TMEM87B: variants seen among roughly 807,000 people sequenced by gnomAD.
The protein encoded by TMEM87B is transmembrane protein 87B.
In TMEM87B, 83 loss-of-function variants were observed where a neutral mutation model predicts 80.3. That is an observed-to-expected ratio of 1.03 (90% confidence interval 0.87 to 1.24). The LOEUF (loss-of-function observed/expected upper bound fraction) is 1.24. Among genes scored for constraint, TMEM87B ranks in the 50% most tolerant of loss-of-function variants. TMEM87B has a pLI of 0.00. For missense variants in TMEM87B, 625 were observed against 674.4 expected (o/e 0.93, Z 0.81); for synonymous variants, 219 against 230.5 (o/e 0.95, Z 0.45).
chr2:112,074,863 C>T, intron 4 of TMEM87B, 49 bp from the exon 5 acceptor site: 1 of 1,475,336 alleles, frequency 6.8e-7, no homozygotes, highest in South Asian at 1.3e-5. Flanking sequence ...CAATTTTTCT[C>T]CGTAGAAATG....
chr2:112,108,795 G>C (rs949340082), intron 17 of TMEM87B, among the ~76,000 whole-genome samples: 2 of 151,986 alleles, frequency 1.3e-5, no homozygotes, highest in Admixed American at 6.6e-5. Context: ...GTTTGTGTGG[G>C]CATATATTTT....
intron 11 of TMEM87B, 58 bp from the exon 12 acceptor site, chr2:112,096,986 G>GT (rs375042771): frequency 0.093 from 74,367 of 800,570 alleles, 4 homozygotes; most frequent in South Asian, 0.14. Context: ...AGAAGATTCT[G>GT]TTTTTTTTTT....
At position 112,089,669 on chromosome 2, in the gene TMEM87B, T is replaced by G; in HGVS notation, c.983T>G (p.Leu328Arg). Reference protein sequence around the residue: ...TVMHRVIGLGLLYLIFAAVEG... With the variant: ...TVMHRVIGLGRLYLIFAAVEG... ...ATGCACCGGGTGATCGGACTGGGGC[T>G]TCTATACTTAATCTTTGCAGCTGTT... is the stretch of plus-strand genomic sequence containing the variant. Residue 328 changes from leucine to arginine, a missense_variant, in exon 10 of 19, where the codon CTT (leucine) becomes CGT (arginine). Transcript: ENST00000283206. 1 of 1,614,208 alleles carries G rather than the reference T, an allele frequency of 6.2e-7. No homozygotes were observed. Among genetic ancestry groups the G allele is most frequent in the Non-Finnish European group, 8.5e-7 (1 of 1,180,020 alleles).
At chr2:112,080,170 C>T (rs1345972809) in intron 6 of TMEM87B, among the ~76,000 whole-genome samples, 1 of 152,066 alleles carries the variant, frequency 6.6e-6, no homozygotes, top group Non-Finnish European at 1.5e-5. Flanking sequence ...CTTAAGTGAT[C>T]TGCCCACCTT....
chr2:112,097,502 G>A (rs1425244894), intron 13 of TMEM87B, among the ~76,000 whole-genome samples: 3 of 151,904 alleles, frequency 2.0e-5, no homozygotes, highest in East Asian at 1.9e-4. Flanking sequence ...CGAGGCAGGC[G>A]GATCACGAGG....
chr2:112,081,194 C>T, intron 7 of TMEM87B, 76 bp downstream of exon 7: 1 of 1,479,272 alleles, frequency 6.8e-7, no homozygotes, highest in Admixed American at 1.7e-5. Flanking sequence ...AGTAATTCCT[C>T]AGTAGTTAAT....
chr2:112,085,607 C>T (rs1679118665), intron 8 of TMEM87B, among the ~76,000 whole-genome samples: 1 of 152,168 alleles, frequency 6.6e-6, no homozygotes, highest in African/African-American at 2.4e-5. Context: ...ACAGTAGGAG[C>T]ATATCAGATA....
intron 4 of TMEM87B, among the ~76,000 whole-genome samples, chr2:112,069,115 C>A (rs1440507873): frequency 6.8e-6 from 1 of 146,694 alleles, no homozygotes; most frequent in Admixed American, 7.0e-5. Context: ...TGGCGTGAAC[C>A]CGGGAAGCGG....
At chr2:112,062,448 CAAAG>C (rs1235064806) in intron 2 of TMEM87B, among the ~76,000 whole-genome samples, 2 of 152,252 alleles carry the variant, frequency 1.3e-5, no homozygotes, top group East Asian at 3.9e-4. Context: ...GATAGAAACT[CAAAG>C]AAAGTTAGAA....
At chr2:112,116,029 G>T in intron 18 of TMEM87B, 55 bp from the exon 19 acceptor site, 1 of 1,464,110 alleles carries the variant, frequency 6.8e-7, no homozygotes. Flanking sequence ...ATTTTTGTTA[G>T]GGTTCTGGAA....
rs1558835562 is a variant in TMEM87B at position 112,076,845 on chromosome 2, TGTGTGTG to T, written c.502-346_502-340del. ...TACCTGCCATTCCTTTTCTGTTTTG[TGTGTGTG>T]TGTGTGTGTGTGTGTGTGTGTGTGT... On this transcript the variant is annotated intron_variant, in intron 5 of 18. Transcript: ENST00000283206. Among the ~76,000 whole-genome samples, 14 of 11,612 alleles carry T rather than the reference TGTGTGTG, an allele frequency of 1.2e-3. No homozygotes were observed. In the African/African-American group the frequency reaches 0.013, roughly 11 times the overall value. The allele number at this position is 11,612 out of a possible 152,430, so 7.6% of individuals were successfully genotyped here. A position where few individuals can be genotyped will look rare whatever the true frequency, so the allele number is the denominator to read the frequency against.
chr2:112,066,690 T>C (rs1228168122), intron 3 of TMEM87B, among the ~76,000 whole-genome samples: 1 of 152,228 alleles, frequency 6.6e-6, no homozygotes, highest in African/African-American at 2.4e-5. Context: ...GTTTTCTTAT[T>C]GTAAGTGTGC....
rs764767658 is a variant in TMEM87B, at chr2:112,081,135, A to AT, written c.654+23dup. 1.5e-5 allele frequency: 24 copies of AT among 1,610,386 alleles called. No homozygotes were observed. The South Asian group carries it at 2.6e-4, about 18-fold the overall frequency. On this transcript the variant is annotated intron_variant, in intron 7 of 18. Coordinates refer to ENST00000283206, the MANE Select transcript of TMEM87B (RefSeq NM_032824.3). ...CTAATGATTGTGAGTATTTCTCATCATTTTTTCCTTTTTAAAAAATGAATT... is the reference window on the plus strand; with the variant it reads ...CTAATGATTGTGAGTATTTCTCATCATTTTTTTCCTTTTTAAAAAATGAATT...
chr2:112,089,053 G>A (rs1375184431), intron 9 of TMEM87B, among the ~76,000 whole-genome samples: 1 of 152,110 alleles, frequency 6.6e-6, no homozygotes, highest in Non-Finnish European at 1.5e-5. Context: ...GAGCCACTGC[G>A]CCTCGCCCAA....
At chr2:112,089,933 C>T (rs941494790) in intron 10 of TMEM87B, among the ~76,000 whole-genome samples, 6 of 152,154 alleles carry the variant, frequency 3.9e-5, no homozygotes, top group East Asian at 1.9e-4. Flanking sequence ...GCGAAGGCAC[C>T]GCTTGATATC....
Position 112,117,216 on chromosome 2 carries a change from A to G in TMEM87B, c.*1073A>G, listed in dbSNP as rs1351772020. ...AACTTGAAAGGCAATTGAATGTAGTATGATGAAAATGTGAATGTTTTGCTG... is the reference window on the plus strand; with the variant it reads ...AACTTGAAAGGCAATTGAATGTAGTGTGATGAAAATGTGAATGTTTTGCTG... On this transcript the variant is annotated 3_prime_UTR_variant, in exon 19 of 19. Coordinates refer to ENST00000283206, the MANE Select transcript of TMEM87B (RefSeq NM_032824.3). 6.6e-6 allele frequency: 1 copy of G among 152,188 alleles called. No homozygotes were observed. Among genetic ancestry groups the G allele is most frequent in the East Asian group, 1.9e-4 (1 of 5,198 alleles). The allele number at this position is 152,188 out of a possible 1,614,324, so 9.4% of individuals were successfully genotyped here. A position where few individuals can be genotyped will look rare whatever the true frequency, so the allele number is the denominator to read the frequency against.
intron 4 of TMEM87B, among the ~76,000 whole-genome samples, chr2:112,072,581 T>C (rs1678682403): frequency 2.0e-5 from 3 of 152,334 alleles, no homozygotes; most frequent in South Asian, 2.1e-4. Context: ...TATTTTCTGA[T>C]GGTTACCTGT....
At chr2:112,107,973 A>C (rs999800829) in intron 17 of TMEM87B, 133 bp downstream of exon 17, 8 of 455,848 alleles carry the variant, frequency 1.8e-5, no homozygotes, top group Middle Eastern at 3.4e-4. Flanking sequence ...TCACCAGTAC[A>C]TGGCCCTTAC....
At chr2:112,060,274 G>A (rs1279714309) in intron 2 of TMEM87B, among the ~76,000 whole-genome samples, 2 of 151,776 alleles carry the variant, frequency 1.3e-5, no homozygotes, top group East Asian at 2.0e-4. Flanking sequence ...ACTTGAACCC[G>A]GGAGGCAGAG....
Sources: gnomAD v4.1 joint callset for allele counts (sites outside exome capture counted in the v4.1 genomes callset) on GRCh38, gnomAD v4.1.1 for gene constraint, MANE v1.5 for transcripts, NCBI Gene and HGNC (gene_info 2026-07-23, HGNC 2026-07-21) for gene names.